Variants in DDHD1 observed in about 807,000 individuals in gnomAD.
DDHD1 encodes DDHD domain containing 1, also known as phospholipase DDHD1.
Under a neutral mutation model 96.4 loss-of-function variants are expected in DDHD1, and 49 were observed. The ratio of observed to expected loss-of-function variants is 0.51; its 90% CI spans 0.40 to 0.64. The LOEUF is 0.64. DDHD1 is among the 30% of genes least tolerant of loss of function. The pLI, the probability that DDHD1 is intolerant of heterozygous loss-of-function variation, is 0.00. For synonymous variants in DDHD1, 442 were observed against 446.5 expected (o/e 0.99, Z 0.13); for missense variants, 1,106 against 1,161.2 (o/e 0.95, Z 0.69).
chr14:53,063,319 T>A, intron 6 of DDHD1, 114 bp from the exon 7 acceptor site: 1 of 1,227,866 alleles, frequency 8.1e-7, no homozygotes, highest in Non-Finnish European at 1.1e-6. Context: ...CAAATATACC[T>A]AGGTTATTAA....
rs1484678787 is a variant in DDHD1, at chr14:53,047,093, TAAGAGA to T, written c.2522-150_2522-145del. The T allele has an allele frequency of 2.0e-5, 12 of 585,788 alleles. No individual in the cohort carries two copies. In the South Asian group the frequency reaches 5.8e-4, roughly 28 times the overall value. The allele number at this position is 585,788 out of a possible 1,614,324, so 36.3% of individuals were successfully genotyped here. On this transcript the variant is annotated intron_variant, in intron 12 of 12. Coordinates refer to ENST00000673822, the MANE Select transcript of DDHD1 (RefSeq NM_001160148.2). The stretch of plus-strand genomic sequence containing the variant: ...AAGAAGTGACTTTCCATTATCATCT[TAAGAGA>T]AAAACACTCAAAAGAGCCTCAGTAG...
chr14:53,131,198 G>T (rs1442724654), intron 1 of DDHD1, among the ~76,000 whole-genome samples: 4 of 151,804 alleles, frequency 2.6e-5, no homozygotes, highest in African/African-American at 7.3e-5. Context: ...ACTATTCCTG[G>T]GCTACAGCCA....
At chr14:53,106,392 C>T (rs1303720680) in intron 1 of DDHD1, among the ~76,000 whole-genome samples, 1 of 152,166 alleles carries the variant, frequency 6.6e-6, no homozygotes, top group Non-Finnish European at 1.5e-5. Flanking sequence ...GGTGCAGTGA[C>T]TCATGCCTGT....
intron 1 of DDHD1, among the ~76,000 whole-genome samples, chr14:53,143,388 T>A (rs1257019656): frequency 6.6e-6 from 1 of 152,214 alleles, no homozygotes; most frequent in African/African-American, 2.4e-5. Context: ...AAATAGCTCT[T>A]GAACACAAAT....
Position 53,139,760 on chromosome 14 carries a change from CCCA to C in DDHD1, c.838+12498_838+12500del, listed in dbSNP as rs1232590031. 1.3e-4 allele frequency among the ~76,000 whole-genome samples: 19 copies of C among 151,614 alleles called. No homozygotes were observed. The East Asian group carries it at 3.5e-3, about 28-fold the overall frequency. ...ATTTCTAGGCATAAATACTCTACTG[CCCA>C]CCACAAGATGTCCAACTTTAAATTA... On this transcript the variant is annotated intron_variant, in intron 1 of 12. Coordinates refer to ENST00000673822, the MANE Select transcript of DDHD1 (RefSeq NM_001160148.2).
chr14:53,143,580 T>C (rs936867554), intron 1 of DDHD1, among the ~76,000 whole-genome samples: 29 of 152,104 alleles, frequency 1.9e-4, no homozygotes, highest in African/African-American at 6.8e-4. Context: ...TCTGTCCTGA[T>C]TGGCTAGCGA....
intron 6 of DDHD1, among the ~76,000 whole-genome samples, chr14:53,068,243 C>CTTTTTTTTT (rs55662153): frequency 1.9e-4 from 20 of 104,446 alleles, no homozygotes; most frequent in African/African-American, 5.4e-4. Flanking sequence ...CTTTATGATA[C>CTTTTTTTTT]TTTTTTTTTT....
In DDHD1 at chr14:53,152,536, A is replaced by T; in HGVS notation, c.563T>A (p.Leu188His). 1 of 1,613,438 alleles carries T rather than the reference A, an allele frequency of 6.2e-7. No individual in the cohort carries two copies. The highest frequency in any genetic ancestry group is 8.5e-7 in the Non-Finnish European group (1 of 1,179,930). ...TWKPFIGYDS[L>H]RIELAFRTLL... ...GGTCCGGAAGGCGAGCTCGATGCGG[A>T]GCGAGTCGTAGCCGATGAAGGGCTT... The change falls in exon 1 of 13, where the codon CTC becomes CAC. Residue 188 changes from leucine (L) to histidine (H), a missense_variant. Transcript: ENST00000673822.
intron 4 of DDHD1, among the ~76,000 whole-genome samples, chr14:53,088,044 G>A (rs1214832715): frequency 3.3e-5 from 5 of 152,154 alleles, no homozygotes; most frequent in African/African-American, 1.2e-4. Context: ...ACACCTCTAT[G>A]CGAATAAACC....
At chr14:53,133,535 T>A (rs1890022871) in intron 1 of DDHD1, among the ~76,000 whole-genome samples, 1 of 152,184 alleles carries the variant, frequency 6.6e-6, no homozygotes, top group South Asian at 2.1e-4. Flanking sequence ...AAAGAACTAA[T>A]GGTCTTTTAA....
At chr14:53,073,153 C>T (rs981862459) in intron 5 of DDHD1, among the ~76,000 whole-genome samples, 6 of 151,956 alleles carry the variant, frequency 3.9e-5, no homozygotes, top group East Asian at 3.8e-4. Context: ...TAATATTTAA[C>T]AGACATAACT....
chr14:53,054,749 G>T, intron 10 of DDHD1, 120 bp from the exon 11 acceptor site: 1 of 882,830 alleles, frequency 1.1e-6, no homozygotes, highest in Non-Finnish European at 1.7e-6. Context: ...TGTTTTTCCA[G>T]GGTGGGAACA....
intron 4 of DDHD1, among the ~76,000 whole-genome samples, chr14:53,085,845 A>C (rs1300157231): frequency 6.6e-6 from 1 of 152,168 alleles, no homozygotes; most frequent in Non-Finnish European, 1.5e-5. Flanking sequence ...GTAATAACAA[A>C]CTTCTCTGAG....
chr14:53,071,753 CAT>C (rs1884527457), intron 6 of DDHD1, among the ~76,000 whole-genome samples: 1 of 152,062 alleles, frequency 6.6e-6, no homozygotes, highest in Admixed American at 6.6e-5. Flanking sequence ...TAGTGTTTGG[CAT>C]AGAGTAGGGC....
intron 4 of DDHD1, among the ~76,000 whole-genome samples, chr14:53,080,361 A>C (rs1163646534): frequency 6.6e-6 from 1 of 152,160 alleles, no homozygotes; most frequent in African/African-American, 2.4e-5. Flanking sequence ...ACTCTCTCCA[A>C]AAAACAAAAA....
intron 1 of DDHD1, among the ~76,000 whole-genome samples, chr14:53,123,812 T>C (rs1889204949): frequency 6.6e-6 from 1 of 152,252 alleles, no homozygotes; most frequent in Admixed American, 6.5e-5. Flanking sequence ...ATTGTATCTG[T>C]AAAGTTTAAT....
chr14:53,112,012 T>C (rs569804566), intron 1 of DDHD1, among the ~76,000 whole-genome samples: 1 of 152,344 alleles, frequency 6.6e-6, no homozygotes, highest in South Asian at 2.1e-4. Flanking sequence ...AAGCTATATA[T>C]ACTGCTTATA....
chr14:53,060,076 A>C (rs1478221703), intron 8 of DDHD1, among the ~76,000 whole-genome samples: 1 of 152,152 alleles, frequency 6.6e-6, no homozygotes, highest in Non-Finnish European at 1.5e-5. Flanking sequence ...AACGTTTTAA[A>C]GAAATTTCTG....
intron 4 of DDHD1, among the ~76,000 whole-genome samples, chr14:53,079,292 AT>A (rs112629438): frequency 2.2e-3 from 329 of 146,916 alleles, no homozygotes; most frequent in African/African-American, 7.7e-3. Context: ...ATTTTTCTCT[AT>A]TTTTTTTTTA....
Sources: gnomAD v4.1 joint callset for allele counts (sites outside exome capture counted in the v4.1 genomes callset) on GRCh38, gnomAD v4.1.1 for gene constraint, MANE v1.5 for transcripts, NCBI Gene and HGNC (gene_info 2026-07-23, HGNC 2026-07-21) for gene names.